KIF16B: variants seen among roughly 807,000 people sequenced by gnomAD.
KIF16B encodes kinesin-like protein KIF16B.
KIF16B carries 98 observed loss-of-function variants against 156.3 expected under a neutral mutation model. The observed-to-expected ratio is 0.63, with a 90% CI of 0.53 to 0.74. The LOEUF is 0.74. Ranked by LOEUF, KIF16B falls within the 30% of genes least tolerant of loss-of-function variation. The pLI, the probability that KIF16B is intolerant of heterozygous loss-of-function variation, is 0.00. For missense variants in KIF16B, 1,421 were observed against 1,606.5 expected, an observed-to-expected ratio of 0.88 and a Z score of 1.97; for synonymous variants, 564 against 583.7, an observed-to-expected ratio of 0.97 and a Z score of 0.49.
In KIF16B at chr20:16,322,530, C is replaced by T. The variant is rs531030679; in HGVS notation, c.3712-10112G>A. 2.0e-5 allele frequency among the ~76,000 whole-genome samples: 3 copies of T among 152,094 alleles called. No homozygotes were observed. In the East Asian group the frequency reaches 5.8e-4, roughly 29 times the overall value. On this transcript the variant is annotated intron_variant, in intron 24 of 25. Coordinates refer to ENST00000354981, the MANE Select transcript of KIF16B (RefSeq NM_024704.5). Reference sequence around the variant, plus strand: ...GAGTATCATCCATCTAGCAAGTTAGCTAGCTATATGTATATGTATGCATAT... The same window carrying T: ...GAGTATCATCCATCTAGCAAGTTAGTTAGCTATATGTATATGTATGCATAT...
intron 12 of KIF16B, among the ~76,000 whole-genome samples, chr20:16,484,491 G>T (rs1340529042): frequency 6.6e-6 from 1 of 152,202 alleles, no homozygotes; most frequent in Non-Finnish European, 1.5e-5. Flanking sequence ...GAAGAACACA[G>T]TTTGACAGAA....
chr20:16,456,210 C>T (rs539044145), intron 12 of KIF16B, among the ~76,000 whole-genome samples: 132 of 152,150 alleles, frequency 8.7e-4, no homozygotes, highest in Non-Finnish European at 1.6e-3. Context: ...TTCTCAGTAT[C>T]CTGAATCCAA....
intron 15 of KIF16B, among the ~76,000 whole-genome samples, chr20:16,409,535 G>C (rs1425810483): frequency 6.6e-6 from 1 of 152,074 alleles, no homozygotes; most frequent in Non-Finnish European, 1.5e-5. Context: ...CTGAAGAAAG[G>C]CCAAACAGGG....
At chr20:16,355,169 G>A (rs2123141146) in intron 23 of KIF16B, among the ~76,000 whole-genome samples, 1 of 152,174 alleles carries the variant, frequency 6.6e-6, no homozygotes, top group African/African-American at 2.4e-5. Context: ...ATTCCTCAGA[G>A]CCCAGGGCTG....
At chr20:16,502,047 A>C (rs1051201951) in intron 10 of KIF16B, among the ~76,000 whole-genome samples, 1 of 152,144 alleles carries the variant, frequency 6.6e-6, no homozygotes, top group Non-Finnish European at 1.5e-5. Flanking sequence ...ATATATCTAC[A>C]TATCTAGATC....
intron 1 of KIF16B, among the ~76,000 whole-genome samples, chr20:16,558,031 G>A (rs768021072): frequency 1.3e-5 from 2 of 152,086 alleles, no homozygotes; most frequent in East Asian, 3.9e-4. Flanking sequence ...AGGGGGGACA[G>A]GAAACACCAG....
At chr20:16,336,873 G>C (rs1322245139) in intron 23 of KIF16B, among the ~76,000 whole-genome samples, 1 of 152,104 alleles carries the variant, frequency 6.6e-6, no homozygotes, top group African/African-American at 2.4e-5. Context: ...TCCATCCTTT[G>C]CCATCAGCAC....
intron 24 of KIF16B, among the ~76,000 whole-genome samples, chr20:16,317,714 C>G (rs916355429): frequency 6.6e-6 from 1 of 152,198 alleles, no homozygotes; most frequent in Non-Finnish European, 1.5e-5. Flanking sequence ...CTCAAACTGT[C>G]GGCCAGGCAG....
intron 10 of KIF16B, among the ~76,000 whole-genome samples, chr20:16,503,924 C>T (rs2068698261): frequency 6.6e-6 from 1 of 152,112 alleles, no homozygotes; most frequent in African/African-American, 2.4e-5. Context: ...GTCGCGGGGC[C>T]ACCAGAACCA....
At chr20:16,284,153 C>G (rs1382212796) in intron 25 of KIF16B, among the ~76,000 whole-genome samples, 2 of 152,190 alleles carry the variant, frequency 1.3e-5, no homozygotes, top group African/African-American at 4.8e-5. Flanking sequence ...TGAGTCACAC[C>G]AGGACAGCCA....
intron 22 of KIF16B, chr20:16,367,761 G>A: frequency 1.2e-6 from 2 of 1,612,646 alleles, no homozygotes; most frequent in Non-Finnish European, 1.7e-6. Context: ...GCTGGAGCAA[G>A]GGATGATTAG....
chr20:16,477,277 A>C (rs1424405765), intron 12 of KIF16B, among the ~76,000 whole-genome samples: 1 of 149,862 alleles, frequency 6.7e-6, no homozygotes, highest in African/African-American at 2.5e-5. Context: ...TCCTTGTTCT[A>C]ACATTCTATG....
intron 23 of KIF16B, among the ~76,000 whole-genome samples, chr20:16,354,296 C>T (rs1262631989): frequency 6.6e-6 from 1 of 151,892 alleles, no homozygotes; most frequent in Non-Finnish European, 1.5e-5. Context: ...ATCCGTGTAC[C>T]AACTAAAATC....
At chr20:16,342,790 G>C (rs2064162864) in intron 23 of KIF16B, among the ~76,000 whole-genome samples, 2 of 152,176 alleles carry the variant, frequency 1.3e-5, no homozygotes, top group East Asian at 3.8e-4. Context: ...ACAAGATGAA[G>C]ATGATGAGTA....
At chr20:16,536,207 G>T (rs1367709456) in intron 1 of KIF16B, among the ~76,000 whole-genome samples, 1 of 152,096 alleles carries the variant, frequency 6.6e-6, no homozygotes, top group East Asian at 1.9e-4. Context: ...CAGAACTAGG[G>T]GTCATTATGT....
At chr20:16,325,432 C>G (rs2063830469) in intron 24 of KIF16B, among the ~76,000 whole-genome samples, 1 of 151,884 alleles carries the variant, frequency 6.6e-6, no homozygotes, top group Non-Finnish European at 1.5e-5. Context: ...GCTCCTAGAT[C>G]TGATAAATGA....
intron 12 of KIF16B, among the ~76,000 whole-genome samples, chr20:16,480,749 C>T (rs1390090130): frequency 6.6e-6 from 1 of 152,218 alleles, no homozygotes; most frequent in African/African-American, 2.4e-5. Flanking sequence ...TCATGAGCTG[C>T]ATATACCATC....
chr20:16,427,001 T>C, intron 15 of KIF16B, 103 bp downstream of exon 15: 1 of 1,035,314 alleles, frequency 9.7e-7, no homozygotes, highest in Non-Finnish European at 1.4e-6. Context: ...TTTTTATACC[T>C]AATCAATAAT....
chr20:16,423,858 A>C (rs879935081), intron 15 of KIF16B, among the ~76,000 whole-genome samples: 29 of 151,950 alleles, frequency 1.9e-4, no homozygotes, highest in Admixed American at 1.8e-3. Context: ...GTTGTCAGTG[A>C]ATCGTGTTTT....
Sources: gnomAD v4.1 joint callset for allele counts (sites outside exome capture counted in the v4.1 genomes callset) on GRCh38, gnomAD v4.1.1 for gene constraint, MANE v1.5 for transcripts, NCBI Gene and HGNC (gene_info 2026-07-23, HGNC 2026-07-21) for gene names.